Variants in SP100 observed in about 807,000 individuals in gnomAD.
The protein encoded by SP100 is SP100 nuclear body protein, also known as nuclear autoantigen Sp-100.
In SP100, 84 loss-of-function variants were observed where a neutral mutation model predicts 130.0. That is an observed-to-expected ratio of 0.65 (90% CI 0.54 to 0.77). SP100 has a LOEUF of 0.77. Among genes scored for constraint, SP100 ranks in the 30% least tolerant of loss-of-function variants. The pLI is 0.00. For synonymous variants in SP100, 331 were observed against 351.7 expected (o/e 0.94, Z 0.66); for missense variants, 978 against 1,052.2 (o/e 0.93, Z 0.97).
chr2:230,440,654 A>C, intron 2 of SP100: 1 of 1,178,954 alleles, frequency 8.5e-7, no homozygotes, highest in Non-Finnish European at 1.1e-6. Flanking sequence ...TCAAATCCAA[A>C]AAAAAGTCCT....
At chr2:230,501,655 G>GAGGAGTTC (rs2067032464) in intron 19 of SP100, among the ~76,000 whole-genome samples, 1 of 151,600 alleles carries the variant, frequency 6.6e-6, no homozygotes, top group South Asian at 2.1e-4. Context: ...TGAGCATCTG[G>GAGGAGTTC]AGGAGTTTTT....
At chr2:230,460,923 G>T (rs1053883134) in intron 8 of SP100, among the ~76,000 whole-genome samples, 1 of 151,290 alleles carries the variant, frequency 6.6e-6, no homozygotes, top group Non-Finnish European at 1.5e-5. Flanking sequence ...GCGCCCGGCC[G>T]GTAATCTGTT....
chr2:230,430,182 C>A (rs1307381750), intron 2 of SP100, among the ~76,000 whole-genome samples: 1 of 152,198 alleles, frequency 6.6e-6, no homozygotes, highest in Non-Finnish European at 1.5e-5. Flanking sequence ...CATGGACAGG[C>A]AGAGCTTGCT....
chr2:230,449,665 A>G lies in SP100; in HGVS notation c.691A>G (p.Ser231Gly), dbSNP rs927994404. ...CAGTGACAAAGATGATTCGCTAGGA[A>G]GCCAACAAACAAATGAACAATGTGC... ...TTSDKDDSLGSQQTNEQCAQK... is the reference protein window; with the variant it reads ...TTSDKDDSLGGQQTNEQCAQK... Residue 231 changes from serine to glycine, a missense_variant, in exon 7 of 29, where the codon AGC becomes GGC. By Grantham distance (56) the Ser-to-Gly change is moderately conservative. Coordinates refer to ENST00000340126, the MANE Select transcript of SP100 (RefSeq NM_001080391.2). The G allele has an allele frequency of 1.9e-6, 3 of 1,614,228 alleles. No homozygotes were observed. In the South Asian group the frequency reaches 3.3e-5, roughly 18 times the overall value.
intron 24 of SP100, among the ~76,000 whole-genome samples, chr2:230,512,979 G>T (rs1690706699): frequency 6.6e-6 from 1 of 152,202 alleles, no homozygotes; most frequent in African/African-American, 2.4e-5. Context: ...ATTTAATGCT[G>T]CTGCTGATCT....
chr2:230,489,651 A>G (rs559334761), intron 17 of SP100, among the ~76,000 whole-genome samples: 1 of 152,270 alleles, frequency 6.6e-6, no homozygotes, highest in South Asian at 2.1e-4. Context: ...GTGGGCATTT[A>G]GTGCTATAAA....
chr2:230,515,493 G>T (rs771436604), intron 24 of SP100: 2 of 1,612,838 alleles, frequency 1.2e-6, no homozygotes, highest in Non-Finnish European at 8.5e-7. Context: ...AATACAAAAA[G>T]GATATTGCTG....
At chr2:230,542,133 C>T in intron 28 of SP100, 98 bp downstream of exon 28, 1 of 1,252,158 alleles carries the variant, frequency 8.0e-7, no homozygotes, top group Non-Finnish European at 1.2e-6. Context: ...TTACAATCGC[C>T]CTTATCATAT....
chr2:230,491,215 G>A (rs568403599), intron 17 of SP100, among the ~76,000 whole-genome samples: 1 of 152,302 alleles, frequency 6.6e-6, no homozygotes, highest in African/African-American at 2.4e-5. Flanking sequence ...TGCTTTGGGG[G>A]CGGGGTGAAA....
intron 2 of SP100, among the ~76,000 whole-genome samples, chr2:230,424,741 G>A (rs2062872558): frequency 6.6e-6 from 1 of 151,880 alleles, no homozygotes; most frequent in East Asian, 1.9e-4. Context: ...ATTCCCAGTT[G>A]GGGTGCCAGC....
At chr2:230,446,195 G>A (rs11688458) in intron 4 of SP100, among the ~76,000 whole-genome samples, 23,270 of 152,116 alleles carry the variant, frequency 0.15, 1,952 homozygotes, top group Non-Finnish European at 0.19. Flanking sequence ...TGCAGCCCCA[G>A]CCTCCTGGGC....
intron 8 of SP100, among the ~76,000 whole-genome samples, chr2:230,459,071 T>G (rs2064440850): frequency 6.6e-6 from 1 of 152,092 alleles, no homozygotes; most frequent in South Asian, 2.1e-4. Context: ...CACCTTCACC[T>G]CACCCTGGTT....
chr2:230,541,101 T>C, intron 26 of SP100, 105 bp downstream of exon 26: 1 of 1,409,196 alleles, frequency 7.1e-7, no homozygotes, highest in Non-Finnish European at 9.7e-7. Flanking sequence ...AGCAAACTGC[T>C]GGCCTATGGT....
At chr2:230,450,097 G>A in intron 7 of SP100, 75 bp from the exon 8 acceptor site, 2 of 988,548 alleles carry the variant, frequency 2.0e-6, no homozygotes, top group South Asian at 1.4e-5. Flanking sequence ...GAGAAGCAGG[G>A]TGAGGTCTAA....
At chr2:230,495,643 A>G (rs1662213542) in intron 18 of SP100, among the ~76,000 whole-genome samples, 1 of 152,220 alleles carries the variant, frequency 6.6e-6, no homozygotes, top group South Asian at 2.1e-4. Context: ...CTGTGAAGAT[A>G]AAAAAGACGT....
intron 8 of SP100, among the ~76,000 whole-genome samples, chr2:230,458,614 T>C (rs1388557892): frequency 6.6e-6 from 1 of 152,170 alleles, no homozygotes; most frequent in Non-Finnish European, 1.5e-5. Flanking sequence ...GAAGTTATCA[T>C]GAAAACGTAG....
intron 24 of SP100, among the ~76,000 whole-genome samples, chr2:230,537,274 T>C (rs907981402): frequency 1.3e-5 from 2 of 152,148 alleles, no homozygotes; most frequent in Admixed American, 1.3e-4. Flanking sequence ...AAAAATGCCA[T>C]GCAGCTGGAC....
chr2:230,469,403 G>C (rs1315752854), intron 14 of SP100: 1 of 501,848 alleles, frequency 2.0e-6, no homozygotes, highest in Admixed American at 2.3e-5. Flanking sequence ...ACATCTTTAA[G>C]ATGTTGCTTC....
At position 230,474,464 on chromosome 2, in the gene SP100, AT is replaced by A; in HGVS notation, c.1600+20del. On this transcript the variant is annotated intron_variant, in intron 17 of 28. Transcript: ENST00000340126. ...GGAAAAGAAGTAAGAACAAATAAGA[AT>A]TTACTTAATTTTTATGTTACAAATG... is the stretch of plus-strand genomic sequence containing the variant. 8.7e-7 allele frequency: 1 copy of A among 1,151,674 alleles called. No individual in the cohort carries two copies. Among genetic ancestry groups the A allele is most frequent in the Non-Finnish European group, 1.3e-6 (1 of 780,914 alleles). The allele number at this position is 1,151,674 out of a possible 1,614,324, so 71.3% of individuals were successfully genotyped here. A position where few individuals can be genotyped will look rare whatever the true frequency, so the allele number is the denominator to read the frequency against.
Sources: allele counts gnomAD v4.1 joint callset (sites outside exome capture counted in the v4.1 genomes callset), GRCh38; gene constraint gnomAD v4.1.1; transcripts MANE v1.5; gene names NCBI Gene and HGNC (gene_info 2026-07-23, HGNC 2026-07-21).